GPC6: variants seen among roughly 807,000 people sequenced by gnomAD.
GPC6 encodes glypican 6, also known as glypican-6.
Under a neutral mutation model 55.2 loss-of-function variants are expected in GPC6, and 14 were observed. The observed-to-expected ratio is 0.25, with a 90% CI of 0.17 to 0.40. The LOEUF (loss-of-function observed/expected upper bound fraction) is 0.40. Ranked by LOEUF, GPC6 falls within the 10% of genes least tolerant of loss-of-function variation. The pLI, the probability that GPC6 is intolerant of heterozygous loss-of-function variation, is 1.00. For missense variants in GPC6, 641 were observed against 708.5 expected, an observed-to-expected ratio of 0.90 and a Z score of 1.08; for synonymous variants, 278 against 259.6, an observed-to-expected ratio of 1.07 and a Z score of -0.68.
In GPC6 at chr13:94,027,882, A is replaced by T; in HGVS notation, c.865A>T (p.Asn289Tyr). 6.2e-7 allele frequency: 1 copy of T among 1,613,958 alleles called. No individual in the cohort carries two copies. The highest frequency in any genetic ancestry group is 1.1e-5 in the South Asian group (1 of 91,070). ...ANQADLDTEWNLFIDAMLLVA... is the reference protein window; with the variant it reads ...ANQADLDTEWYLFIDAMLLVA... ...TCAGGCTGACCTCGACACAGAGTGGAATCTGTTTATAGGTAAGAAGTGTTT... is the reference window on the plus strand; with the variant it reads ...TCAGGCTGACCTCGACACAGAGTGGTATCTGTTTATAGGTAAGAAGTGTTT... The change falls in exon 4 of 9, where the codon AAT (asparagine) becomes TAT (tyrosine). Residue 289 changes from asparagine to tyrosine, a missense_variant. Asn to Tyr is a moderately radical substitution (Grantham distance 143). Coordinates refer to ENST00000377047, the MANE Select transcript of GPC6 (RefSeq NM_005708.5).
intron 3 of GPC6, among the ~76,000 whole-genome samples, chr13:93,958,553 A>G (rs540760911): frequency 3.9e-4 from 59 of 152,190 alleles, no homozygotes; most frequent in Admixed American, 7.2e-4. Context: ...CCATTGGTCT[A>G]TATGTCTGTT....
At chr13:94,307,062 A>G (rs1875981296) in intron 6 of GPC6, among the ~76,000 whole-genome samples, 1 of 152,242 alleles carries the variant, frequency 6.6e-6, no homozygotes, top group Non-Finnish European at 1.5e-5. Context: ...TTTAGTTAAT[A>G]TCCTTCTATA....
chr13:93,468,099 T>C (rs1383012307), intron 1 of GPC6, among the ~76,000 whole-genome samples: 2 of 152,150 alleles, frequency 1.3e-5, no homozygotes, highest in Non-Finnish European at 2.9e-5. Context: ...AATGAATGAA[T>C]TTGGGCTTTG....
At chr13:93,349,639 AG>A (rs1347148694) in intron 1 of GPC6, among the ~76,000 whole-genome samples, 1 of 152,220 alleles carries the variant, frequency 6.6e-6, no homozygotes, top group Non-Finnish European at 1.5e-5. Context: ...TAATCTTTTA[AG>A]AATATTTACA....
intron 2 of GPC6, among the ~76,000 whole-genome samples, chr13:93,575,271 A>C (rs1876603130): frequency 6.6e-6 from 1 of 152,184 alleles, no homozygotes; most frequent in African/African-American, 2.4e-5. Context: ...AGCCTGGGGT[A>C]TAGAACGATA....
chr13:93,220,220 T>A, the GPC6 span, among the ~76,000 whole-genome samples: 2 of 152,192 alleles, frequency 1.3e-5, no homozygotes, highest in Non-Finnish European at 2.9e-5. Flanking sequence ...TGTGAAGAGC[T>A]ATTCCCTACC....
intron 4 of GPC6, among the ~76,000 whole-genome samples, chr13:94,214,277 A>C (rs960156888): frequency 6.6e-6 from 1 of 152,212 alleles, no homozygotes; most frequent in African/African-American, 2.4e-5. Flanking sequence ...TCTCTCACCA[A>C]GGGATGTTCG....
chr13:93,746,864 G>A (rs944424345), intron 2 of GPC6, among the ~76,000 whole-genome samples: 5 of 152,168 alleles, frequency 3.3e-5, no homozygotes, highest in Admixed American at 1.3e-4. Context: ...GCTTTGGAAA[G>A]GGTTTAACAT....
At chr13:94,042,086 G>C (rs935401359) in intron 4 of GPC6, among the ~76,000 whole-genome samples, 9 of 151,794 alleles carry the variant, frequency 5.9e-5, no homozygotes, top group African/African-American at 9.7e-5. Flanking sequence ...CGTTGCTACT[G>C]TCGTCATGAT....
intron 2 of GPC6, among the ~76,000 whole-genome samples, chr13:93,632,135 T>G (rs1021670996): frequency 1.1e-4 from 16 of 152,174 alleles, no homozygotes; most frequent in African/African-American, 3.4e-4. Flanking sequence ...TTATAAAGTT[T>G]AAAACATTGG....
chr13:93,529,883 A>G (rs1290263456), intron 1 of GPC6, among the ~76,000 whole-genome samples: 1 of 152,030 alleles, frequency 6.6e-6, no homozygotes, highest in Admixed American at 6.6e-5. Context: ...TACCTAACCC[A>G]TTGCTTGTGT....
In GPC6 at chr13:94,306,087, A is replaced by T. The variant is rs1158747235; in HGVS notation, c.1116A>T (p.Arg372Ser). The change falls in exon 6 of 9, where the codon AGA becomes AGT. Residue 372 changes from arginine (R) to serine (S), a missense_variant. Coordinates refer to ENST00000377047, the MANE Select transcript of GPC6 (RefSeq NM_005708.5). Reference sequence around the variant, plus strand: ...TCAGGCCCTACAATCCTGAGGAAAGACCAACAACTGCTGCAGGCACAAGCT... The same window carrying T: ...TCAGGCCCTACAATCCTGAGGAAAGTCCAACAACTGCTGCAGGCACAAGCT... ...TRFRPYNPEE[R>S]PTTAAGTSLD... The T allele has an allele frequency of 3.1e-6, 5 of 1,614,172 alleles. No homozygotes were observed. The highest frequency in any genetic ancestry group is 1.7e-5 in the Admixed American group (1 of 60,026).
chr13:93,389,900 T>C (rs190178173), intron 1 of GPC6, among the ~76,000 whole-genome samples: 175 of 152,322 alleles, frequency 1.1e-3, no homozygotes, highest in African/African-American at 4.2e-3. Context: ...GCACATGATA[T>C]TCCTGGGTCA....
intron 1 of GPC6, among the ~76,000 whole-genome samples, chr13:93,375,824 G>A (rs977560580): frequency 1.3e-5 from 2 of 152,306 alleles, no homozygotes; most frequent in Admixed American, 1.3e-4. Context: ...AGAAAATGAG[G>A]AGGCCAGAAA....
chr13:93,818,027 A>T (rs1886922051), intron 2 of GPC6, among the ~76,000 whole-genome samples: 1 of 147,478 alleles, frequency 6.8e-6, no homozygotes, highest in Non-Finnish European at 1.5e-5. Context: ...TATATTATAG[A>T]TGTATTTAAT....
At chr13:93,802,865 T>C (rs1886423807) in intron 2 of GPC6, among the ~76,000 whole-genome samples, 1 of 152,216 alleles carries the variant, frequency 6.6e-6, no homozygotes, top group Non-Finnish European at 1.5e-5. Context: ...AGCTTATTGT[T>C]CTGATTTTTT....
At chr13:94,371,084 T>C (rs1048682752) in intron 6 of GPC6, among the ~76,000 whole-genome samples, 2 of 152,178 alleles carry the variant, frequency 1.3e-5, no homozygotes, top group Non-Finnish European at 2.9e-5. Flanking sequence ...AGCCAGTACA[T>C]ATGCTGGATC....
intron 3 of GPC6, among the ~76,000 whole-genome samples, chr13:93,906,999 G>A (rs1876705953): frequency 6.6e-6 from 1 of 152,128 alleles, no homozygotes; most frequent in Admixed American, 6.6e-5. Flanking sequence ...GTGGAGATAA[G>A]AACTAGAGTT....
At chr13:94,339,653 G>C (rs912155180) in intron 6 of GPC6, among the ~76,000 whole-genome samples, 8 of 151,684 alleles carry the variant, frequency 5.3e-5, no homozygotes, top group African/African-American at 1.9e-4. Context: ...AGCTGAAATG[G>C]AGTGAGATGT....
Sources: allele counts gnomAD v4.1 joint callset (sites outside exome capture counted in the v4.1 genomes callset), GRCh38; gene constraint gnomAD v4.1.1; transcripts MANE v1.5; gene names NCBI Gene and HGNC (gene_info 2026-07-23, HGNC 2026-07-21).